MYT1L: variants seen among roughly 807,000 people sequenced by gnomAD.
The protein encoded by MYT1L is myelin transcription factor 1-like protein.
MYT1L carries 12 observed loss-of-function variants against 126.7 expected under a neutral mutation model. The ratio of observed to expected loss-of-function variants is 0.09; its 90% CI spans 0.06 to 0.15. MYT1L has a LOEUF of 0.15. MYT1L is among the 10% of genes least tolerant of loss of function. The pLI is 1.00. For missense variants in MYT1L, 979 were observed against 1,585.2 expected, an observed-to-expected ratio of 0.62 and a Z score of 6.49; for synonymous variants, 541 against 604.2, an observed-to-expected ratio of 0.90 and a Z score of 1.53.
intron 2 of MYT1L, among the ~76,000 whole-genome samples, chr2:2,250,264 C>T (rs987694436): frequency 1.3e-5 from 2 of 152,116 alleles, no homozygotes; most frequent in African/African-American, 4.8e-5. Flanking sequence ...TTGGAAGCAA[C>T]CTAAGTGTCC....
At chr2:2,155,180 C>T (rs1322346994) in intron 3 of MYT1L, among the ~76,000 whole-genome samples, 6 of 152,116 alleles carry the variant, frequency 3.9e-5, no homozygotes, top group African/African-American at 1.4e-4. Flanking sequence ...ATAGAAGTTA[C>T]CACAGAAAAA....
intron 8 of MYT1L, among the ~76,000 whole-genome samples, chr2:1,955,142 C>CA (rs111904216): frequency 0.26 from 30,172 of 116,746 alleles, 3,227 homozygotes; most frequent in East Asian, 0.36. Context: ...GAGTCCATCT[C>CA]AAAAAAAAAA....
chr2:2,329,350 GT>G (rs754809485), intron 1 of MYT1L, among the ~76,000 whole-genome samples: 56 of 152,102 alleles, frequency 3.7e-4, no homozygotes, highest in Non-Finnish European at 6.8e-4. Context: ...TATCTCATAG[GT>G]TTTTTTAGAT....
chr2:2,165,080 G>A (rs555515236), intron 3 of MYT1L, among the ~76,000 whole-genome samples: 5 of 152,230 alleles, frequency 3.3e-5, no homozygotes, highest in South Asian at 2.1e-4. Context: ...GGGGGCCTGC[G>A]CCAGCTCTCC....
chr2:2,065,648 C>T (rs2071150782), intron 3 of MYT1L, among the ~76,000 whole-genome samples: 1 of 152,166 alleles, frequency 6.6e-6, no homozygotes, highest in Non-Finnish European at 1.5e-5. Flanking sequence ...GTCTTGCTTC[C>T]TTGCAATGAG....
intron 1 of MYT1L, among the ~76,000 whole-genome samples, chr2:2,291,621 T>C (rs747307793): frequency 6.6e-6 from 1 of 152,148 alleles, no homozygotes; most frequent in Admixed American, 6.5e-5. Context: ...GGAGACGCGG[T>C]GCGTGATGGG....
rs539548407 is a variant in MYT1L at position 2,234,380 on chromosome 2, C to T, written c.-421+50024G>A. On this transcript the variant is annotated intron_variant, in intron 2 of 24. Transcript: ENST00000647738. ...GACAGACGCACACATTTGTAGGGTG[C>T]GGAATTCAGAAGTTTCTGCGATTGT... is the stretch of plus-strand genomic sequence containing the variant. Among the ~76,000 whole-genome samples, 52 of 152,236 alleles carry T rather than the reference C, an allele frequency of 3.4e-4. 1 individual carries two copies. Among genetic ancestry groups the T allele is most frequent in the Middle Eastern group, 3.4e-3 (1 of 294 alleles).
intron 1 of MYT1L, among the ~76,000 whole-genome samples, chr2:2,323,071 G>A (rs1320536175): frequency 1.3e-5 from 2 of 152,216 alleles, no homozygotes; most frequent in Non-Finnish European, 2.9e-5. Context: ...CTCAATGTGA[G>A]TACTAAGAAA....
intron 18 of MYT1L, among the ~76,000 whole-genome samples, chr2:1,873,224 T>A (rs1316879399): frequency 1.3e-5 from 2 of 152,258 alleles, no homozygotes; most frequent in Non-Finnish European, 2.9e-5. Context: ...GACTATATTT[T>A]AAAATATATA....
intron 2 of MYT1L, among the ~76,000 whole-genome samples, chr2:2,275,177 A>C (rs2095334197): frequency 6.7e-6 from 1 of 150,044 alleles, no homozygotes; most frequent in South Asian, 2.1e-4. Flanking sequence ...TTTGGAAAGA[A>C]ATTTCAAGAA....
chr2:2,043,604 G>T (rs1419388018), intron 4 of MYT1L, among the ~76,000 whole-genome samples: 2 of 152,152 alleles, frequency 1.3e-5, no homozygotes, highest in African/African-American at 2.4e-5. Flanking sequence ...TGTGCCCACT[G>T]TCTGTGTGGC....
chr2:2,002,442 A>T (rs1172495325), intron 4 of MYT1L, among the ~76,000 whole-genome samples: 1 of 152,214 alleles, frequency 6.6e-6, no homozygotes, highest in Non-Finnish European at 1.5e-5. Context: ...CTTTCCATGT[A>T]TGCCACATGC....
chr2:1,793,514 TCTCC>T lies in MYT1L; in HGVS notation c.3277-1054_3277-1051del, dbSNP rs1202021783. ...GTCCTCTCACGAGAGTCTCTCCTCC[TCTCC>T]CTGTCGGCCCTGCCTTCTCCTATGT... is the stretch of plus-strand genomic sequence containing the variant. On this transcript the variant is annotated intron_variant, in intron 23 of 24. Coordinates refer to ENST00000647738, the MANE Select transcript of MYT1L (RefSeq NM_001303052.2). The surrounding 1 kb of genome is among the most constrained non-coding windows in gnomAD (Gnocchi z 4.6). Among the ~76,000 whole-genome samples the T allele has an allele frequency of 1.3e-5, 2 of 152,162 alleles. No homozygotes were observed. The highest frequency in any genetic ancestry group is 2.9e-5 in the Non-Finnish European group (2 of 68,034).
In MYT1L at chr2:2,255,030, A is replaced by T. The variant is rs182772114; in HGVS notation, c.-421+29374T>A. On this transcript the variant is annotated intron_variant, in intron 2 of 24. Coordinates refer to ENST00000647738, the MANE Select transcript of MYT1L (RefSeq NM_001303052.2). Reference sequence around the variant, plus strand: ...CCATCTGCCTCCAGGAAATATTTGAAGTGATTTAAAATAAAAGACATGTGA... The same window carrying T: ...CCATCTGCCTCCAGGAAATATTTGATGTGATTTAAAATAAAAGACATGTGA... Among the ~76,000 whole-genome samples, 145 of 152,336 alleles carry T rather than the reference A, an allele frequency of 9.5e-4. No homozygotes were observed. The Middle Eastern group carries it at 0.014, about 14-fold the overall frequency.
At chr2:2,068,958 G>C (rs913001291) in intron 3 of MYT1L, among the ~76,000 whole-genome samples, 3 of 151,884 alleles carry the variant, frequency 2.0e-5, no homozygotes, top group African/African-American at 7.3e-5. Context: ...CGGGTGCCTG[G>C]AGTCTGTGGC....
intron 2 of MYT1L, among the ~76,000 whole-genome samples, chr2:2,179,279 T>A (rs1054808160): frequency 1.3e-5 from 2 of 152,194 alleles, no homozygotes; most frequent in African/African-American, 4.8e-5. Context: ...AATGCCCAGA[T>A]AAATCCCAGT....
At chr2:2,161,463 A>G (rs370735460) in intron 3 of MYT1L, among the ~76,000 whole-genome samples, 6 of 152,350 alleles carry the variant, frequency 3.9e-5, no homozygotes, top group African/African-American at 1.2e-4. Flanking sequence ...TCGGGTATCA[A>G]TGAAACAAGT....
chr2:2,180,014 C>T (rs1224413509), intron 2 of MYT1L, among the ~76,000 whole-genome samples: 1 of 152,198 alleles, frequency 6.6e-6, no homozygotes, highest in Non-Finnish European at 1.5e-5. Context: ...CATACCTTCA[C>T]ACACTGTTTC....
chr2:2,108,794 C>A (rs577679772), intron 3 of MYT1L, among the ~76,000 whole-genome samples: 1 of 150,248 alleles, frequency 6.7e-6, no homozygotes, highest in Non-Finnish European at 1.5e-5. Flanking sequence ...ATTTTTTTTT[C>A]TTTTTCGATG....
Sources: gnomAD v4.1 joint callset for allele counts (sites outside exome capture counted in the v4.1 genomes callset) on GRCh38, gnomAD v4.1.1 for gene constraint, Gnocchi (gnomAD v3.1) non-coding constraint, MANE v1.5 for transcripts, NCBI Gene and HGNC (gene_info 2026-07-23, HGNC 2026-07-21) for gene names.